Variants in ESRRB observed in about 807,000 individuals in gnomAD.
ESRRB encodes steroid hormone receptor ERR2.
ESRRB carries 16 observed loss-of-function variants against 46.0 expected under a neutral mutation model. The ratio of observed to expected loss-of-function variants is 0.35; its 90% confidence interval spans 0.24 to 0.53. ESRRB has a LOEUF of 0.53. ESRRB is among the 20% of genes least tolerant of loss of function. The pLI is 0.93. For synonymous variants in ESRRB, 246 were observed against 259.6 expected (o/e 0.95, Z 0.50); for missense variants, 488 against 607.4 (o/e 0.80, Z 2.07).
intron 1 of ESRRB, among the ~76,000 whole-genome samples, chr14:76,330,232 G>A (rs573026180): frequency 1.1e-3 from 163 of 152,248 alleles, no homozygotes; most frequent in Non-Finnish European, 1.0e-3. Flanking sequence ...GCTGGCTCCC[G>A]AATAAATCTT....
intron 2 of ESRRB, among the ~76,000 whole-genome samples, chr14:76,461,709 C>T (rs982329279): frequency 2.0e-5 from 3 of 152,130 alleles, no homozygotes; most frequent in Non-Finnish European, 4.4e-5. Flanking sequence ...CGGCATTTCA[C>T]CATATTGGTC....
chr14:76,387,392 C>A (rs1201488387), intron 1 of ESRRB, among the ~76,000 whole-genome samples: 1 of 152,218 alleles, frequency 6.6e-6, no homozygotes. Flanking sequence ...GGTGACAGTT[C>A]TGCAACAGAG....
At chr14:76,430,624 G>C (rs1471732843) in intron 1 of ESRRB, among the ~76,000 whole-genome samples, 1 of 152,230 alleles carries the variant, frequency 6.6e-6, no homozygotes, top group African/African-American at 2.4e-5. Context: ...ATTGGCTCTT[G>C]CTCAACTCTG....
At chr14:76,471,942 C>T (rs1333093695) in intron 3 of ESRRB, among the ~76,000 whole-genome samples, 3 of 152,156 alleles carry the variant, frequency 2.0e-5, no homozygotes, top group African/African-American at 2.4e-5. Context: ...GCAATGTCTG[C>T]CACAGACTAA....
intron 3 of ESRRB, among the ~76,000 whole-genome samples, chr14:76,469,738 A>G (rs948733096): frequency 1.3e-5 from 2 of 152,074 alleles, no homozygotes; most frequent in Non-Finnish European, 2.9e-5. Flanking sequence ...CCATCTAGAT[A>G]TTGCTACCTG....
At chr14:76,412,452 C>G (rs1436035387) in intron 1 of ESRRB, among the ~76,000 whole-genome samples, 1 of 152,122 alleles carries the variant, frequency 6.6e-6, no homozygotes, top group Non-Finnish European at 1.5e-5. Flanking sequence ...TCTACCTCTC[C>G]CTCACCACCA....
At chr14:76,312,433 C>T (rs1283227940) in intron 1 of ESRRB, among the ~76,000 whole-genome samples, 2 of 151,668 alleles carry the variant, frequency 1.3e-5, no homozygotes, top group African/African-American at 4.9e-5. Context: ...TTATTTTGGA[C>T]GGGAGAGTGG....
At chr14:76,483,604 T>C (rs1454533297) in intron 5 of ESRRB, among the ~76,000 whole-genome samples, 7 of 152,222 alleles carry the variant, frequency 4.6e-5, no homozygotes, top group African/African-American at 1.7e-4. Flanking sequence ...CCATGTATTC[T>C]ACATTACATA....
At chr14:76,469,483 C>G (rs888711966) in intron 3 of ESRRB, among the ~76,000 whole-genome samples, 1 of 152,140 alleles carries the variant, frequency 6.6e-6, no homozygotes, top group Admixed American at 6.5e-5. Context: ...CATTAGCACA[C>G]AAGTACACTT....
intron 2 of ESRRB, among the ~76,000 whole-genome samples, chr14:76,448,555 C>T (rs1046884163): frequency 1.5e-4 from 22 of 151,210 alleles, no homozygotes; most frequent in African/African-American, 4.6e-4. Context: ...AGACTGCTCT[C>T]GAACTCCTGG....
intron 1 of ESRRB, among the ~76,000 whole-genome samples, chr14:76,432,511 C>T (rs1887491299): frequency 1.3e-5 from 2 of 152,188 alleles, no homozygotes; most frequent in South Asian, 4.1e-4. Flanking sequence ...CCCTGTCCCT[C>T]CTACTTCACA....
intron 5 of ESRRB, among the ~76,000 whole-genome samples, chr14:76,491,162 A>C (rs1250373365): frequency 6.6e-6 from 1 of 152,226 alleles, no homozygotes; most frequent in Non-Finnish European, 1.5e-5. Context: ...AGACGTTTGG[A>C]AAATACCATA....
intron 3 of ESRRB, among the ~76,000 whole-genome samples, chr14:76,465,923 G>A (rs571008331): frequency 6.6e-6 from 1 of 152,188 alleles, no homozygotes; most frequent in Non-Finnish European, 1.5e-5. Context: ...CTGAAGCTCC[G>A]TGGGGACCGA....
intron 1 of ESRRB, among the ~76,000 whole-genome samples, chr14:76,418,424 A>G (rs911567152): frequency 3.3e-5 from 5 of 152,204 alleles, no homozygotes; most frequent in African/African-American, 4.8e-5. Context: ...ACCTTGGTAC[A>G]TTACTATGAA....
intron 1 of ESRRB, among the ~76,000 whole-genome samples, chr14:76,420,085 C>CT (rs1886877000): frequency 6.6e-6 from 1 of 151,998 alleles, no homozygotes; most frequent in Non-Finnish European, 1.5e-5. Flanking sequence ...GTAATGTAGA[C>CT]TTTTTTTCTC....
intron 1 of ESRRB, among the ~76,000 whole-genome samples, chr14:76,349,068 C>T (rs1312015151): frequency 1.3e-5 from 2 of 152,224 alleles, no homozygotes; most frequent in East Asian, 3.9e-4. Flanking sequence ...AATGCTTCAT[C>T]CTCAAATGTA....
chr14:76,334,570 A>T (rs1884104133), intron 1 of ESRRB, among the ~76,000 whole-genome samples: 1 of 152,216 alleles, frequency 6.6e-6, no homozygotes, highest in Admixed American at 6.5e-5. Flanking sequence ...TTTAATCATA[A>T]CAAAACAGAA....
At chr14:76,324,937 C>T (rs866736217) in intron 1 of ESRRB, among the ~76,000 whole-genome samples, 3 of 149,320 alleles carry the variant, frequency 2.0e-5, no homozygotes, top group East Asian at 2.0e-4. Flanking sequence ...TGTTACAAAG[C>T]GGCACTTTCT....
chr14:76,395,707 A>C (rs1014194169), intron 1 of ESRRB, among the ~76,000 whole-genome samples: 1 of 152,174 alleles, frequency 6.6e-6, no homozygotes, highest in Non-Finnish European at 1.5e-5. Context: ...TGCCCCAAGC[A>C]TTCTCTGTAA....
Sources: gnomAD v4.1 joint callset for allele counts (sites outside exome capture counted in the v4.1 genomes callset) on GRCh38, gnomAD v4.1.1 for gene constraint, MANE v1.5 for transcripts, NCBI Gene and HGNC (gene_info 2026-07-23, HGNC 2026-07-21) for gene names.